Variants in ROS1 observed in about 807,000 individuals in gnomAD.
ROS1 encodes ROS proto-oncogene 1, receptor tyrosine kinase, also known as proto-oncogene tyrosine-protein kinase ROS.
Under a neutral mutation model 273.5 loss-of-function variants are expected in ROS1, and 263 were observed. The ratio of observed to expected loss-of-function variants is 0.96; its 90% CI spans 0.87 to 1.06. The LOEUF (loss-of-function observed/expected upper bound fraction) is 1.06, where lower values mean the gene tolerates loss of function less well. Ranked by LOEUF, ROS1 falls within the 50% of genes least tolerant of loss-of-function variation. ROS1 has a pLI of 0.00. For synonymous variants in ROS1, 1,008 were observed against 954.1 expected, an observed-to-expected ratio of 1.06 and a Z score of -1.04; for missense variants, 2,833 against 2,751.1, an observed-to-expected ratio of 1.03 and a Z score of -0.67.
Position 117,360,364 on chromosome 6 carries a change from G to T in ROS1, c.3408C>A (p.Asp1136Glu), listed in dbSNP as rs140926672. 8 of 1,612,818 alleles carry T rather than the reference G, an allele frequency of 5.0e-6. No individual in the cohort carries two copies. Among genetic ancestry groups the T allele is most frequent in the Non-Finnish European group, 6.8e-6 (8 of 1,179,522 alleles). ...FTSKGPGPYADVVKSTTSEIN... is the reference protein window; with the variant it reads ...FTSKGPGPYAEVVKSTTSEIN... ...TACCTGATGTTGTAGACTTTACAAC[G>T]TCAGCATATGGTCCTGGCCCCTTAG... The change falls in exon 23 of 44, where the codon GAC becomes GAA. Residue 1136 changes from aspartate to glutamate, a missense_variant. By Grantham distance (45) the Asp-to-Glu change is conservative. Coordinates refer to ENST00000368507, the MANE Select transcript of ROS1 (RefSeq NM_001378902.1).
chr6:117,315,072 G>T (rs1775820399), intron 39 of ROS1, among the ~76,000 whole-genome samples: 1 of 152,064 alleles, frequency 6.6e-6, no homozygotes, highest in African/African-American at 2.4e-5. Context: ...GTAAAATTTT[G>T]CATCTATGAA....
rs1773486800 is a variant in ROS1 at position 117,396,348 on chromosome 6, C to A, written c.807-84G>T. The A allele has an allele frequency of 6.2e-6, 6 of 964,590 alleles. No homozygotes were observed. The South Asian group carries it at 8.1e-5, about 13-fold the overall frequency. 59.8% of individuals were successfully genotyped at this position (964,590 alleles called of 1,614,324 possible). ...AAAAATAGAAGGAGCAATAACATTTCTATTTAAAGGGTGATGTGGCAATGC... is the reference window on the plus strand; with the variant it reads ...AAAAATAGAAGGAGCAATAACATTTATATTTAAAGGGTGATGTGGCAATGC... On this transcript the variant is annotated intron_variant, in intron 8 of 43. Coordinates refer to ENST00000368507, the MANE Select transcript of ROS1 (RefSeq NM_001378902.1).
intron 5 of ROS1, 63 bp from the exon 6 acceptor site, chr6:117,404,491 G>T (rs1562373294): frequency 1.4e-6 from 2 of 1,469,292 alleles, no homozygotes; most frequent in East Asian, 2.3e-5. Context: ...GAGAGTGTGT[G>T]CCTCTCTCAT....
intron 18 of ROS1, among the ~76,000 whole-genome samples, chr6:117,374,041 C>A (rs1781107033): frequency 6.6e-6 from 1 of 152,182 alleles, no homozygotes. Context: ...GGTAGAATCA[C>A]TATTGTGAAA....
At chr6:117,351,028 C>T (rs769355506) in intron 27 of ROS1, among the ~76,000 whole-genome samples, 2 of 152,056 alleles carry the variant, frequency 1.3e-5, no homozygotes, top group African/African-American at 4.8e-5. Flanking sequence ...GTGTTTTATG[C>T]CTTTTAGTAT....
At position 117,365,585 on chromosome 6, in the gene ROS1, G is replaced by C. The variant is rs756804061; in HGVS notation, c.2954C>G (p.Ser985Cys). The part of the protein sequence containing the change: ...VFYSVEFSAH[S>C]KFLASEQHSL... Reference sequence around the variant, plus strand: ...TTACTAGAACCAACACCATACCTTAGAATGAGCACTAAATTCTACACTGTA... The same window carrying C: ...TTACTAGAACCAACACCATACCTTACAATGAGCACTAAATTCTACACTGTA... Residue 985 changes from serine (S) to cysteine (C), a missense_variant, in exon 20 of 44, where the codon TCT becomes TGT. Coordinates refer to ENST00000368507, the MANE Select transcript of ROS1 (RefSeq NM_001378902.1). 1 of 1,612,596 alleles carries C rather than the reference G, an allele frequency of 6.2e-7. No homozygotes were observed. The highest frequency in any genetic ancestry group is 2.2e-5 in the East Asian group (1 of 44,864).
intron 12 of ROS1, 81 bp from the exon 13 acceptor site, chr6:117,389,927 G>A: frequency 7.9e-7 from 1 of 1,266,372 alleles, no homozygotes; most frequent in Non-Finnish European, 1.1e-6. Context: ...GCTTCATTCT[G>A]TTGCACAATC....
intron 35 of ROS1, among the ~76,000 whole-genome samples, chr6:117,322,324 G>A (rs1776341805): frequency 6.6e-6 from 1 of 152,080 alleles, no homozygotes; most frequent in African/African-American, 2.4e-5. Flanking sequence ...CCTCAATGAT[G>A]CCTTCTGAAA....
intron 4 of ROS1, among the ~76,000 whole-genome samples, chr6:117,411,343 T>G (rs1774893609): frequency 6.7e-6 from 1 of 149,936 alleles, no homozygotes; most frequent in African/African-American, 2.4e-5. Context: ...ACATTGGACT[T>G]CAAATAAAGT....
intron 43 of ROS1, among the ~76,000 whole-genome samples, chr6:117,290,811 T>G (rs1192025553): frequency 6.6e-6 from 1 of 152,174 alleles, no homozygotes; most frequent in Non-Finnish European, 1.5e-5. Context: ...TTGCTCCCTG[T>G]TTTTCTAAGC....
chr6:117,311,671 T>A (rs1243454565), intron 39 of ROS1, among the ~76,000 whole-genome samples: 1 of 152,122 alleles, frequency 6.6e-6, no homozygotes, highest in Non-Finnish European at 1.5e-5. Flanking sequence ...TTGTTTCTCA[T>A]ACGAGCCCCA....
At chr6:117,365,003 T>C (rs182405890) in intron 21 of ROS1, 57 bp downstream of exon 21, 107 of 1,523,410 alleles carry the variant, frequency 7.0e-5, no homozygotes, top group Admixed American at 5.2e-4. Flanking sequence ...CCATTCCAGA[T>C]CATGAAAAGT....
intron 31 of ROS1, among the ~76,000 whole-genome samples, chr6:117,338,952 G>T (rs1777688928): frequency 6.6e-6 from 1 of 152,064 alleles, no homozygotes. Flanking sequence ...CTAGGGATTT[G>T]CCTGAACAGC....
In ROS1 at chr6:117,328,950, G is replaced by C. The variant is rs9282839; in HGVS notation, c.5348+379C>G. On this transcript the variant is annotated intron_variant, in intron 33 of 43. Coordinates refer to ENST00000368507, the MANE Select transcript of ROS1 (RefSeq NM_001378902.1). Reference sequence around the variant, plus strand: ...TACTTCATCACCATTTCTCACTAGAGAGTATTCACCTTGCTAAAGCAAATT... The same window carrying C: ...TACTTCATCACCATTTCTCACTAGACAGTATTCACCTTGCTAAAGCAAATT... 6,116 of 592,976 alleles carry C rather than the reference G, an allele frequency of 0.01. 414 individuals are homozygous for C. In the Admixed American group the frequency reaches 0.11, roughly 11 times the overall value. The allele number at this position is 592,976 out of a possible 1,614,324, so 36.7% of individuals were successfully genotyped here. A position where few individuals can be genotyped will look rare whatever the true frequency, so the allele number is the denominator to read the frequency against.
At chr6:117,372,077 G>A (rs1384184971) in intron 18 of ROS1, among the ~76,000 whole-genome samples, 1 of 152,106 alleles carries the variant, frequency 6.6e-6, no homozygotes, top group Non-Finnish European at 1.5e-5. Context: ...CAGCAACACA[G>A]GCATAGAAGG....
chr6:117,308,393 C>T (rs1276643952), intron 42 of ROS1, among the ~76,000 whole-genome samples: 1 of 151,960 alleles, frequency 6.6e-6, no homozygotes, highest in Non-Finnish European at 1.5e-5. Flanking sequence ...AATATATTCC[C>T]ATTTAGTATA....
intron 43 of ROS1, among the ~76,000 whole-genome samples, chr6:117,299,035 T>C (rs1284831150): frequency 6.6e-6 from 1 of 152,196 alleles, no homozygotes; most frequent in Non-Finnish European, 1.5e-5. Context: ...ATGGAGTTGC[T>C]GTGCCAGTTA....
rs1484312631 is a variant in ROS1 at position 117,288,750 on chromosome 6, A to C, written c.6768T>G (p.Ala2256=). The change falls in exon 44 of 44, where the codon GCT becomes GCG. Residue 2256 remains alanine, a synonymous_variant. Transcript: ENST00000368507. The stretch of plus-strand genomic sequence containing the variant: ...CTTCTCGGTTCTTCGTTTCCATTAA[A>C]GCAACTGGCATAATGTCATCTGAAT... ...CLNSDDIMPV[A]LMETKNREGL... is the part of the protein sequence containing the mutation. 1.2e-6 allele frequency: 2 copies of C among 1,613,740 alleles called. No homozygotes were observed. Among genetic ancestry groups the C allele is most frequent in the Non-Finnish European group, 1.7e-6 (2 of 1,179,944 alleles).
At chr6:117,312,060 C>A (rs1224251524) in intron 39 of ROS1, among the ~76,000 whole-genome samples, 2 of 152,104 alleles carry the variant, frequency 1.3e-5, no homozygotes, top group African/African-American at 4.8e-5. Context: ...CCAGGCTGCA[C>A]CAGCCTTTCT....
Sources: gnomAD v4.1 joint callset for allele counts (sites outside exome capture counted in the v4.1 genomes callset) on GRCh38, gnomAD v4.1.1 for gene constraint, MANE v1.5 for transcripts, NCBI Gene and HGNC (gene_info 2026-07-23, HGNC 2026-07-21) for gene names.